The following GPC5 variants were observed in gnomAD, a reference collection of about 807,000 sequenced individuals.
GPC5 encodes the protein glypican 5.
GPC5 carries 47 observed loss-of-function variants against 53.9 expected under a neutral mutation model. The ratio of observed to expected loss-of-function variants is 0.87; its 90% CI spans 0.69 to 1.11. GPC5 has a LOEUF of 1.11. Among genes scored for constraint, GPC5 ranks in the 50% most tolerant of loss-of-function variants. The probability of loss-of-function intolerance (pLI) is 0.00; values close to 1 mark genes in which losing one functional copy is unlikely to be tolerated. For synonymous variants in GPC5, 286 were observed against 263.3 expected, an observed-to-expected ratio of 1.09 and a Z score of -0.84; for missense variants, 748 against 713.1, an observed-to-expected ratio of 1.05 and a Z score of -0.56.
chr13:91,445,918 C>T (rs181117931), intron 1 of GPC5, among the ~76,000 whole-genome samples: 1 of 152,308 alleles, frequency 6.6e-6, no homozygotes, highest in East Asian at 1.9e-4. Flanking sequence ...GCTTTCCTGT[C>T]ACTCCTGCTC....
chr13:92,779,774 C>T (rs895791622), intron 7 of GPC5, among the ~76,000 whole-genome samples: 29 of 152,272 alleles, frequency 1.9e-4, no homozygotes, highest in Admixed American at 1.4e-3. Context: ...TATCAGTTTA[C>T]TCAGAGGTCA....
intron 6 of GPC5, among the ~76,000 whole-genome samples, chr13:92,043,271 A>AT (rs779180971): frequency 3.3e-4 from 50 of 152,334 alleles, no homozygotes; most frequent in Non-Finnish European, 5.9e-4. Flanking sequence ...TGGGAATTGT[A>AT]AATTTCAATT....
intron 6 of GPC5, among the ~76,000 whole-genome samples, chr13:91,977,491 C>T (rs2040314508): frequency 1.3e-5 from 2 of 152,104 alleles, no homozygotes; most frequent in African/African-American, 4.8e-5. Flanking sequence ...ATCCCATCTT[C>T]AATGGTCATA....
At chr13:92,385,805 A>ATATATATACATATATACG (rs1874687206) in intron 7 of GPC5, among the ~76,000 whole-genome samples, 7 of 22,948 alleles carry the variant, frequency 3.1e-4, no homozygotes, top group East Asian at 4.0e-3. Flanking sequence ...ATATATACGT[A>ATATATATACATATATACG]TATATATACA....
chr13:92,083,687 G>T (rs2041314570), intron 6 of GPC5, among the ~76,000 whole-genome samples: 1 of 151,980 alleles, frequency 6.6e-6, no homozygotes. Flanking sequence ...CATTCCTCTG[G>T]GTATATACCC....
At chr13:92,559,724 G>A (rs1178337961) in intron 7 of GPC5, among the ~76,000 whole-genome samples, 1 of 151,542 alleles carries the variant, frequency 6.6e-6, no homozygotes, top group Non-Finnish European at 1.5e-5. Context: ...ATAAAGGCTT[G>A]GCCTAAACTT....
intron 7 of GPC5, among the ~76,000 whole-genome samples, chr13:92,359,580 G>A (rs2043549479): frequency 6.6e-6 from 1 of 151,536 alleles, no homozygotes; most frequent in South Asian, 2.1e-4. Flanking sequence ...ATGAGACTGG[G>A]TAATTTATAA....
At chr13:92,472,370 T>C (rs1878947165) in intron 7 of GPC5, among the ~76,000 whole-genome samples, 1 of 152,080 alleles carries the variant, frequency 6.6e-6, no homozygotes, top group African/African-American at 2.4e-5. Flanking sequence ...CTGCTGGAGA[T>C]TGTAGTCTAG....
At chr13:92,635,161 CAT>C (rs1317671099) in intron 7 of GPC5, among the ~76,000 whole-genome samples, 1 of 151,946 alleles carries the variant, frequency 6.6e-6, no homozygotes, top group Non-Finnish European at 1.5e-5. Context: ...CTGAAATTAA[CAT>C]GTACTATGTA....
Position 92,508,712 on chromosome 13 carries a change from G to A in GPC5, c.1562-357570G>A, listed in dbSNP as rs942489209. ...CAGATAATCAGCATGTTAGCTGGAG[G>A]CCCACTCAAAAGACATTCTCTTTAC... is the stretch of plus-strand genomic sequence containing the variant. On this transcript the variant is annotated intron_variant, in intron 7 of 7. Transcript: ENST00000377067. 7.2e-5 allele frequency among the ~76,000 whole-genome samples: 11 copies of A among 152,144 alleles called. 1 individual carries two copies. The East Asian group carries it at 2.1e-3, about 29-fold the overall frequency.
chr13:91,835,886 T>TA (rs906102551), intron 5 of GPC5, among the ~76,000 whole-genome samples: 6 of 151,674 alleles, frequency 4.0e-5, no homozygotes, highest in South Asian at 2.1e-4. Context: ...AGTAGAATAA[T>TA]AAAAAAAAGA....
intron 7 of GPC5, among the ~76,000 whole-genome samples, chr13:92,261,151 G>T (rs900116040): frequency 2.6e-5 from 4 of 152,102 alleles, no homozygotes; most frequent in Admixed American, 2.0e-4. Flanking sequence ...TATATGGAAA[G>T]AATTATGATG....
At chr13:92,684,334 G>A (rs750964210) in intron 7 of GPC5, among the ~76,000 whole-genome samples, 3 of 151,756 alleles carry the variant, frequency 2.0e-5, no homozygotes, top group African/African-American at 7.3e-5. Flanking sequence ...GCAGTGGCAC[G>A]ATCTCAGCTC....
At chr13:92,256,233 TG>T (rs2042725112) in intron 7 of GPC5, among the ~76,000 whole-genome samples, 1 of 151,930 alleles carries the variant, frequency 6.6e-6, no homozygotes, top group African/African-American at 2.4e-5. Context: ...CACTCCAAGA[TG>T]GTGTCCTCAA....
chr13:92,802,545 A>G (rs1728449177), intron 7 of GPC5, among the ~76,000 whole-genome samples: 1 of 151,938 alleles, frequency 6.6e-6, no homozygotes. Flanking sequence ...CTTGGAACCA[A>G]CCCAAATGTC....
intron 2 of GPC5, among the ~76,000 whole-genome samples, chr13:91,659,258 T>G (rs1397608200): frequency 6.6e-6 from 1 of 152,022 alleles, no homozygotes. Context: ...ATGAGTATAG[T>G]GTCAGGTGCA....
chr13:92,264,665 GT>G (rs200611472), intron 7 of GPC5, among the ~76,000 whole-genome samples: 7,108 of 148,198 alleles, frequency 0.048, 183 homozygotes, highest in East Asian at 0.066. Context: ...TTCTTGTCTA[GT>G]TTTTTTTTTT....
At chr13:92,397,856 G>T (rs1192487814) in intron 7 of GPC5, among the ~76,000 whole-genome samples, 1 of 152,096 alleles carries the variant, frequency 6.6e-6, no homozygotes, top group African/African-American at 2.4e-5. Context: ...ATGGTTGAAA[G>T]ATATTATTCT....
At chr13:91,502,022 C>T (rs983820965) in intron 2 of GPC5, among the ~76,000 whole-genome samples, 3 of 152,262 alleles carry the variant, frequency 2.0e-5, no homozygotes, top group African/African-American at 4.8e-5. Flanking sequence ...TTTAATGTGT[C>T]TTTTGGCTGC....
Sources: gnomAD v4.1 joint callset for allele counts (sites outside exome capture counted in the v4.1 genomes callset) on GRCh38, gnomAD v4.1.1 for gene constraint, MANE v1.5 for transcripts, NCBI Gene and HGNC (gene_info 2026-07-23, HGNC 2026-07-21) for gene names.